Variants in CBL observed in about 807,000 individuals in gnomAD.
CBL encodes the protein E3 ubiquitin-protein ligase CBL.
In CBL, 45 loss-of-function variants were observed where a neutral mutation model predicts 96.9. The ratio of observed to expected loss-of-function variants is 0.46; its 90% CI spans 0.37 to 0.60. The LOEUF (loss-of-function observed/expected upper bound fraction) is 0.60, where lower values mean the gene tolerates loss of function less well. CBL is among the 20% of genes least tolerant of loss of function. The probability of loss-of-function intolerance (pLI) is 0.00; values close to 1 mark genes in which losing one functional copy is unlikely to be tolerated. For missense variants in CBL, 1,024 were observed against 1,143.5 expected (o/e 0.90, Z 1.51); for synonymous variants, 420 against 426.8 (o/e 0.98, Z 0.20).
At chr11:119,278,884 C>G (rs1949911075) in intron 9 of CBL, among the ~76,000 whole-genome samples, 171 bp downstream of exon 9, 2 of 152,196 alleles carry the variant, frequency 1.3e-5, no homozygotes, top group Non-Finnish European at 1.5e-5. Context: ...GTTTTTTACT[C>G]AATCTTTACT....
chr11:119,246,703 C>T (rs763121643), intron 2 of CBL, among the ~76,000 whole-genome samples: 3 of 152,168 alleles, frequency 2.0e-5, no homozygotes, highest in South Asian at 2.1e-4. Context: ...CCACCCACTT[C>T]GGCCTCCCAA....
At chr11:119,286,980 A>G (rs959455894) in intron 11 of CBL, among the ~76,000 whole-genome samples, 3 of 152,218 alleles carry the variant, frequency 2.0e-5, no homozygotes, top group African/African-American at 7.2e-5. Context: ...GAAGTTATAG[A>G]GTACAATTCT....
rs1003716341 is a variant in CBL, at chr11:119,287,273, A to G, written c.1942-579A>G. Reference sequence around the variant, plus strand: ...AAGGTAAGTACCACACGTGCACTGCATGCGCGTAAAAACGAAACTTTTACC... The same window carrying G: ...AAGGTAAGTACCACACGTGCACTGCGTGCGCGTAAAAACGAAACTTTTACC... On this transcript the variant is annotated intron_variant, in intron 11 of 15. Coordinates refer to ENST00000264033, the MANE Select transcript of CBL (RefSeq NM_005188.4). Among the ~76,000 whole-genome samples, 5 of 152,372 alleles carry G rather than the reference A, an allele frequency of 3.3e-5. No individual in the cohort carries two copies. In the South Asian group the frequency reaches 8.3e-4, roughly 25 times the overall value.
At chr11:119,240,714 TG>T in intron 2 of CBL, among the ~76,000 whole-genome samples, 1 of 152,220 alleles carries the variant, frequency 6.6e-6, no homozygotes, top group East Asian at 1.9e-4. Context: ...GCCATGTGCA[TG>T]GGGGAGTTTG....
In CBL at chr11:119,244,793, C is replaced by T. The variant is rs189535785; in HGVS notation, c.443+12098C>T. On this transcript the variant is annotated intron_variant, in intron 2 of 15. Transcript: ENST00000264033. Reference sequence around the variant, plus strand: ...CTTGAACTCCTGAGTTCAAGCAATCCGCCCCACCTTACCTTACCATAGTGC... The same window carrying T: ...CTTGAACTCCTGAGTTCAAGCAATCTGCCCCACCTTACCTTACCATAGTGC... 2.4e-4 allele frequency among the ~76,000 whole-genome samples: 36 copies of T among 151,980 alleles called. 1 individual carries two copies. The highest frequency in any genetic ancestry group is 6.8e-3 in the Middle Eastern group (2 of 294).
chr11:119,258,197 C>T (rs566203723), intron 2 of CBL, among the ~76,000 whole-genome samples: 1 of 152,140 alleles, frequency 6.6e-6, no homozygotes, highest in East Asian at 1.9e-4. Context: ...CATTGCACTC[C>T]AGCCTGGGCG....
Position 119,306,224 on chromosome 11 carries a change from G to C in CBL, c.*6443G>C. The stretch of plus-strand genomic sequence containing the variant: ...ACAGACTAAGCTGTGTGGTGCTCTT[G>C]CCGCCCCTTCCTGGGTACAGAGCTT... On this transcript the variant is annotated 3_prime_UTR_variant, in exon 16 of 16. Coordinates refer to ENST00000264033, the MANE Select transcript of CBL (RefSeq NM_005188.4). The C allele has an allele frequency of 1.5e-5, 6 of 398,602 alleles. No homozygotes were observed. The highest frequency in any genetic ancestry group is 2.7e-5 in the Non-Finnish European group (6 of 226,056). 24.7% of individuals were successfully genotyped at this position (398,602 alleles called of 1,614,324 possible).
At position 119,232,664 on chromosome 11, in the gene CBL, GAA is replaced by G. The variant is rs768782468; in HGVS notation, c.414_415del (p.Arg139AsnfsTer3). ...CATAAGCCTCTTCAAGGAGGGAAAA[GAA>G]AGAATGTATGAGGAGAATTCTCAGC... ...QTISLFKEGK[E>X]RMYEENSQPR... is the part of the protein sequence containing the mutation. On this transcript the variant is annotated frameshift_variant, in exon 2 of 16. Coordinates refer to ENST00000264033, the MANE Select transcript of CBL (RefSeq NM_005188.4). LOFTEE classifies it high-confidence loss of function. 6.2e-7 allele frequency: 1 copy of G among 1,613,850 alleles called. No individual in the cohort carries two copies. Among genetic ancestry groups the G allele is most frequent in the South Asian group, 1.1e-5 (1 of 91,070 alleles).
intron 5 of CBL, among the ~76,000 whole-genome samples, chr11:119,275,384 G>A (rs1415647320): frequency 6.6e-6 from 1 of 152,112 alleles, no homozygotes; most frequent in Admixed American, 6.6e-5. Flanking sequence ...GTTGCAGTGA[G>A]CCGAGATCAT....
chr11:119,261,352 T>G (rs565330217), intron 2 of CBL, among the ~76,000 whole-genome samples: 1 of 152,306 alleles, frequency 6.6e-6, no homozygotes, highest in African/African-American at 2.4e-5. Flanking sequence ...TCTGTTTATT[T>G]GTTCAGGGAA....
intron 2 of CBL, among the ~76,000 whole-genome samples, chr11:119,251,244 C>T (rs921667319): frequency 1.3e-5 from 2 of 152,192 alleles, no homozygotes; most frequent in African/African-American, 4.8e-5. Context: ...AGCTAAATAA[C>T]CTGGCCTTTG....
At chr11:119,229,731 G>T (rs866954879) in intron 1 of CBL, among the ~76,000 whole-genome samples, 197 of 147,530 alleles carry the variant, frequency 1.3e-3, no homozygotes, top group Middle Eastern at 3.5e-3. Context: ...GTTGTGTTTT[G>T]TTTTTTTTTT....
intron 7 of CBL, 90 bp downstream of exon 7, chr11:119,277,934 A>G: frequency 5.0e-6 from 5 of 1,003,448 alleles, no homozygotes; most frequent in Non-Finnish European, 6.3e-6. Flanking sequence ...AATTCATTGG[A>G]ACCCATTGAC....
chr11:119,211,167 T>C (rs900054749), intron 1 of CBL, among the ~76,000 whole-genome samples: 2 of 151,806 alleles, frequency 1.3e-5, no homozygotes, highest in South Asian at 2.1e-4. Context: ...AGGTCAGGAG[T>C]TCGAGACCAG....
intron 12 of CBL, among the ~76,000 whole-genome samples, chr11:119,291,879 CAG>C (rs1356488681): frequency 9.2e-5 from 14 of 151,696 alleles, no homozygotes; most frequent in Admixed American, 7.9e-4. Flanking sequence ...TTTTTCGAGA[CAG>C]AGTCTCACTC....
intron 9 of CBL, 115 bp downstream of exon 9, chr11:119,278,828 A>G: frequency 1.2e-6 from 1 of 808,836 alleles, no homozygotes; most frequent in Non-Finnish European, 2.1e-6. Flanking sequence ...GCTAATATTT[A>G]TTGAGCATTT....
Position 119,297,049 on chromosome 11 carries a change from A to ATGTATAGG in CBL, c.2153+15_2153+16insTGTATAGG. 7.3e-7 allele frequency: 1 copy of ATGTATAGG among 1,373,448 alleles called. No individual in the cohort carries two copies. The highest frequency in any genetic ancestry group is 1.0e-6 in the Non-Finnish European group (1 of 960,098). 85.1% of individuals were successfully genotyped at this position (1,373,448 alleles called of 1,614,324 possible). On this transcript the variant is annotated intron_variant, in intron 13 of 15. Transcript: ENST00000264033. ...CAGAGTTCACGGTAGGTTCACAACA[A>ATGTATAGG]CCCTTTTTGGGCCCTATACCTTTAT... is the stretch of plus-strand genomic sequence containing the variant.
intron 3 of CBL, among the ~76,000 whole-genome samples, chr11:119,272,262 T>C (rs1949855034): frequency 6.6e-6 from 1 of 152,060 alleles, no homozygotes; most frequent in South Asian, 2.1e-4. Flanking sequence ...GCTGGGACTA[T>C]AGGTGCCTGC....
At chr11:119,278,767 G>A (rs1225576374) in intron 9 of CBL, 54 bp downstream of exon 9, 2 of 1,380,034 alleles carry the variant, frequency 1.4e-6, no homozygotes, top group Non-Finnish European at 2.1e-6. Context: ...GTCTTCTAAA[G>A]CCGTAAAACA....
Sources: allele counts gnomAD v4.1 joint callset (sites outside exome capture counted in the v4.1 genomes callset), GRCh38; gene constraint gnomAD v4.1.1; transcripts MANE v1.5; gene names NCBI Gene and HGNC (gene_info 2026-07-23, HGNC 2026-07-21).